KCNQ5: variants seen among roughly 807,000 people sequenced by gnomAD.
KCNQ5 encodes potassium voltage-gated channel subfamily Q member 5.
In KCNQ5, 30 loss-of-function variants were observed where a neutral mutation model predicts 98.2. The observed-to-expected ratio is 0.31, with a 90% CI of 0.23 to 0.41. The LOEUF is 0.41. Ranked by LOEUF, KCNQ5 falls within the 10% of genes least tolerant of loss-of-function variation. KCNQ5 has a pLI of 1.00. For missense variants in KCNQ5, 835 were observed against 1,182.5 expected (o/e 0.71, Z 4.31); for synonymous variants, 458 against 449.4 (o/e 1.02, Z -0.24).
At chr6:73,131,218 T>C (rs963398168) in intron 9 of KCNQ5, among the ~76,000 whole-genome samples, 8 of 152,182 alleles carry the variant, frequency 5.3e-5, no homozygotes, top group Admixed American at 2.0e-4. Flanking sequence ...GCTAATACTT[T>C]CATTTTGGAT....
intron 1 of KCNQ5, among the ~76,000 whole-genome samples, chr6:72,839,439 G>A (rs144281028): frequency 2.8e-4 from 43 of 152,210 alleles, no homozygotes; most frequent in Middle Eastern, 6.8e-3. Flanking sequence ...AAAGTAGATC[G>A]TGTTTTCCTG....
intron 1 of KCNQ5, among the ~76,000 whole-genome samples, chr6:72,718,745 A>G (rs1330227979): frequency 2.0e-5 from 3 of 151,962 alleles, no homozygotes; most frequent in Non-Finnish European, 4.4e-5. Flanking sequence ...CACCGCACCC[A>G]GCCTCTGCTC....
chr6:73,036,570 A>G lies in KCNQ5; in HGVS notation c.490-5366A>G, dbSNP rs574524526. On this transcript the variant is annotated intron_variant, in intron 2 of 13. Transcript: ENST00000370398. ...TTTCTGAAATGTTTTTATTTCAAAA[A>G]TGTTATATAAATGGAATAATACAGT... Among the ~76,000 whole-genome samples the G allele has an allele frequency of 2.0e-5, 3 of 152,222 alleles. No homozygotes were observed. In the South Asian group the frequency reaches 6.2e-4, roughly 32 times the overall value.
chr6:72,634,861 C>T (rs2098923121), intron 1 of KCNQ5, among the ~76,000 whole-genome samples: 1 of 152,168 alleles, frequency 6.6e-6, no homozygotes, highest in African/African-American at 2.4e-5. Flanking sequence ...AGCCACTGCG[C>T]CCGGCCTTCA....
chr6:73,188,926 C>T (rs554809961), intron 11 of KCNQ5, among the ~76,000 whole-genome samples: 3 of 141,162 alleles, frequency 2.1e-5, no homozygotes, highest in Non-Finnish European at 3.0e-5. Context: ...GAAATTACTA[C>T]GAGCTGAGAT....
chr6:72,729,075 A>T (rs1027242230), intron 1 of KCNQ5, among the ~76,000 whole-genome samples: 1 of 152,104 alleles, frequency 6.6e-6, no homozygotes, highest in South Asian at 2.1e-4. Flanking sequence ...AGATTTTTCC[A>T]TATCAGTGCA....
At chr6:72,900,147 T>C (rs1779429378) in intron 1 of KCNQ5, among the ~76,000 whole-genome samples, 2 of 151,980 alleles carry the variant, frequency 1.3e-5, no homozygotes, top group Admixed American at 1.3e-4. Context: ...ATTGCACCAT[T>C]CTTATGCATT....
At chr6:73,044,994 T>A (rs553415471) in intron 3 of KCNQ5, among the ~76,000 whole-genome samples, 2 of 152,328 alleles carry the variant, frequency 1.3e-5, no homozygotes, top group African/African-American at 4.8e-5. Context: ...CACACCAATG[T>A]TTTTCTTTCC....
At position 73,121,348 on chromosome 6, in the gene KCNQ5, A is replaced by C. The variant is rs540172085; in HGVS notation, c.1220+771A>C. Among the ~76,000 whole-genome samples the C allele has an allele frequency of 2.6e-3, 395 of 152,158 alleles. 5 individuals carry two copies. Among genetic ancestry groups the C allele is most frequent in the African/African-American group, 9.2e-3 (384 of 41,516 alleles). ...AGAGATCTGTAATTAAAAAAAAAAA[A>C]AAGGGCTTAGTCTTGGAGTCTTGGA... On this transcript the variant is annotated intron_variant, in intron 8 of 13. Transcript: ENST00000370398.
At chr6:73,162,845 G>T (rs912586427) in intron 10 of KCNQ5, among the ~76,000 whole-genome samples, 3 of 152,190 alleles carry the variant, frequency 2.0e-5, no homozygotes, top group African/African-American at 4.8e-5. Context: ...ATTTTCTGCA[G>T]GTTCTCTGGT....
chr6:73,033,086 G>A (rs980307511), intron 2 of KCNQ5, among the ~76,000 whole-genome samples: 8 of 152,072 alleles, frequency 5.3e-5, no homozygotes, highest in East Asian at 1.9e-4. Context: ...AAGAGAGGAC[G>A]GAAGTCCTCT....
chr6:72,881,519 CAA>C (rs1487055399), intron 1 of KCNQ5, among the ~76,000 whole-genome samples: 2 of 152,000 alleles, frequency 1.3e-5, no homozygotes, highest in African/African-American at 2.4e-5. Context: ...ATAAGATAGT[CAA>C]AGATATTATC....
intron 1 of KCNQ5, among the ~76,000 whole-genome samples, chr6:72,741,403 TTCTC>T (rs1377967565): frequency 6.6e-6 from 1 of 152,180 alleles, no homozygotes; most frequent in Non-Finnish European, 1.5e-5. Flanking sequence ...TGAAGAGACT[TTCTC>T]TCACCTGGGA....
At chr6:72,899,455 A>T (rs1471546329) in intron 1 of KCNQ5, among the ~76,000 whole-genome samples, 1 of 152,202 alleles carries the variant, frequency 6.6e-6, no homozygotes, top group Non-Finnish European at 1.5e-5. Context: ...CAATATGAGT[A>T]GTTTTGAGGT....
chr6:72,995,576 A>G (rs1456623447), intron 1 of KCNQ5, among the ~76,000 whole-genome samples: 1 of 152,164 alleles, frequency 6.6e-6, no homozygotes, highest in Non-Finnish European at 1.5e-5. Flanking sequence ...AGGGAAACAA[A>G]GAGAAATTCA....
chr6:72,962,142 C>A (rs1422399693), intron 1 of KCNQ5, among the ~76,000 whole-genome samples: 1 of 150,096 alleles, frequency 6.7e-6, no homozygotes, highest in Non-Finnish European at 1.5e-5. Flanking sequence ...CATGCCACTG[C>A]ACTCTAACCT....
chr6:72,662,208 A>G (rs1209889254), intron 1 of KCNQ5, among the ~76,000 whole-genome samples: 1 of 152,190 alleles, frequency 6.6e-6, no homozygotes, highest in Non-Finnish European at 1.5e-5. Flanking sequence ...AGGAGAATAA[A>G]TTCTATTGCC....
At chr6:72,728,154 C>T (rs1465993461) in intron 1 of KCNQ5, among the ~76,000 whole-genome samples, 1 of 152,138 alleles carries the variant, frequency 6.6e-6, no homozygotes, top group African/African-American at 2.4e-5. Flanking sequence ...TATGGTATAG[C>T]TATGGGAAAG....
At chr6:72,994,649 C>T (rs374154105) in intron 1 of KCNQ5, among the ~76,000 whole-genome samples, 6 of 151,954 alleles carry the variant, frequency 3.9e-5, no homozygotes, top group Admixed American at 1.3e-4. Flanking sequence ...AGCTGTAGAC[C>T]GGAGCTGTTC....
Sources: gnomAD v4.1 joint callset for allele counts (sites outside exome capture counted in the v4.1 genomes callset) on GRCh38, gnomAD v4.1.1 for gene constraint, MANE v1.5 for transcripts, NCBI Gene and HGNC (gene_info 2026-07-23, HGNC 2026-07-21) for gene names.